Variants in TUBGCP3 observed in about 807,000 individuals in gnomAD.
TUBGCP3 encodes the protein gamma-tubulin complex component 3.
A neutral mutation model predicts 123.1 loss-of-function variants in TUBGCP3; 50 were observed. That is an observed-to-expected ratio of 0.41 (90% CI 0.32 to 0.51). The LOEUF (loss-of-function observed/expected upper bound fraction) is 0.51, where lower values mean the gene tolerates loss of function less well. Among genes scored for constraint, TUBGCP3 ranks in the 20% least tolerant of loss-of-function variants. The probability of loss-of-function intolerance (pLI) is 0.36; values close to 1 mark genes in which losing one functional copy is unlikely to be tolerated. For missense variants in TUBGCP3, 882 were observed against 1,127.0 expected (o/e 0.78, Z 3.11); for synonymous variants, 405 against 413.9 (o/e 0.98, Z 0.26).
At chr13:112,495,949 AT>A (rs200919876) in intron 20 of TUBGCP3, among the ~76,000 whole-genome samples, 432 of 152,262 alleles carry the variant, frequency 2.8e-3, no homozygotes, top group African/African-American at 9.8e-3. Context: ...ATTTTTAAAA[AT>A]TATTAGAATA....
At position 112,540,427 on chromosome 13, in the gene TUBGCP3, T is replaced by C. The variant is rs570948801; in HGVS notation, c.1335+5272A>G. ...TAGCCTATGAGCATTCAGGTGGTCT[T>C]GGGAAAGGACACCTGGGAATGAGGA... On this transcript the variant is annotated intron_variant, in intron 11 of 21. Transcript: ENST00000261965. Among the ~76,000 whole-genome samples the C allele has an allele frequency of 2.9e-4, 42 of 145,362 alleles. 1 individual carries two copies. Among genetic ancestry groups the C allele is most frequent in the Admixed American group, 2.8e-3 (41 of 14,778 alleles).
chr13:112,489,583 G>A lies in TUBGCP3; in HGVS notation c.2563C>T (p.Gln855Ter). The A allele has an allele frequency of 9.3e-6, 15 of 1,608,334 alleles. No individual in the cohort carries two copies. The highest frequency in any genetic ancestry group is 1.2e-5 in the Non-Finnish European group (14 of 1,174,632). The change falls in exon 21 of 22, where the codon CAG (glutamine) becomes TAG (stop). Residue 855 changes from glutamine (Q) to a stop codon, truncating the protein, a stop_gained and splice_region_variant. Coordinates refer to ENST00000261965, the MANE Select transcript of TUBGCP3 (RefSeq NM_006322.6). LOFTEE classifies it high-confidence loss of function. ...SQLRILTHFYQGIVQQFLVLL... is the reference protein window; with the variant it reads ...SQLRILTHFY ...CCACTCTGTATCCTCATACACACCT[G>A]GTAGAAATGGGTCAATATTCGCAAC...
chr13:112,575,663 A>C (rs533181160), intron 1 of TUBGCP3, among the ~76,000 whole-genome samples: 116 of 152,264 alleles, frequency 7.6e-4, no homozygotes, highest in Non-Finnish European at 1.5e-3. Context: ...TTTCAAATGC[A>C]CGTGGAACAT....
At chr13:112,510,327 GT>G (rs530255620) in intron 17 of TUBGCP3, among the ~76,000 whole-genome samples, 1 of 151,790 alleles carries the variant, frequency 6.6e-6, no homozygotes, top group Non-Finnish European at 1.5e-5. Context: ...CATGATATTT[GT>G]TTTTTTTAGA....
At chr13:112,544,046 G>T (rs1346205014) in intron 11 of TUBGCP3, among the ~76,000 whole-genome samples, 1 of 152,186 alleles carries the variant, frequency 6.6e-6, no homozygotes, top group East Asian at 1.9e-4. Flanking sequence ...TTAACATTGG[G>T]TAAGACAAAG....
At chr13:112,583,225 ATT>A (rs1566596580) in intron 1 of TUBGCP3, among the ~76,000 whole-genome samples, 1 of 152,236 alleles carries the variant, frequency 6.6e-6, no homozygotes, top group East Asian at 1.9e-4. Flanking sequence ...AGCTATTCGT[ATT>A]GTTATTAACC....
chr13:112,593,842 T>A, the TUBGCP3 span, among the ~76,000 whole-genome samples: 1 of 151,856 alleles, frequency 6.6e-6, no homozygotes, highest in Non-Finnish European at 1.5e-5. Context: ...ATATGCCAAA[T>A]CAGGAATAAA....
the TUBGCP3 span, among the ~76,000 whole-genome samples, chr13:112,601,099 A>C: frequency 6.6e-6 from 1 of 150,586 alleles, no homozygotes; most frequent in Admixed American, 6.6e-5. Context: ...AGACAGGAGA[A>C]TTGCTTCAAC....
In TUBGCP3 at chr13:112,588,070, C is replaced by G; in HGVS notation, c.-90G>C. The G allele has an allele frequency of 1.8e-6, 2 of 1,129,576 alleles. No homozygotes were observed. Among genetic ancestry groups the G allele is most frequent in the Admixed American group, 4.0e-5 (1 of 25,246 alleles). 70.0% of individuals were successfully genotyped at this position (1,129,576 alleles called of 1,614,324 possible). On this transcript the variant is annotated 5_prime_UTR_variant, in exon 1 of 22. Coordinates refer to ENST00000261965, the MANE Select transcript of TUBGCP3 (RefSeq NM_006322.6). ...CGCGGCCCGCGCCCTTCCTGCGCCC[C>G]GCAAGCTCCCTGCTCCTGACAGGCT...
At chr13:112,507,830 G>A (rs1881406528) in intron 17 of TUBGCP3, among the ~76,000 whole-genome samples, 1 of 152,176 alleles carries the variant, frequency 6.6e-6, no homozygotes, top group East Asian at 1.9e-4. Flanking sequence ...CAGTCTGAAA[G>A]TAGATACACA....
intron 17 of TUBGCP3, among the ~76,000 whole-genome samples, chr13:112,505,011 A>T (rs1881196859): frequency 6.6e-6 from 1 of 152,234 alleles, no homozygotes; most frequent in Admixed American, 6.5e-5. Context: ...TTTATTTTAT[A>T]ATAACGCAGT....
chr13:112,503,894 A>G, intron 19 of TUBGCP3, 138 bp downstream of exon 19: 1 of 1,158,894 alleles, frequency 8.6e-7, no homozygotes, highest in Non-Finnish European at 1.2e-6. Context: ...CTTCAACAGT[A>G]AACTTTTAAT....
At chr13:112,554,024 A>G (rs759816375) in intron 8 of TUBGCP3, 33 bp downstream of exon 8, 2 of 1,599,176 alleles carry the variant, frequency 1.3e-6, no homozygotes, top group South Asian at 2.3e-5. Flanking sequence ...CAAAGTGCGC[A>G]GCATCCCAGC....
chr13:112,559,234 T>C, intron 4 of TUBGCP3, 88 bp downstream of exon 4: 1 of 1,070,132 alleles, frequency 9.3e-7, no homozygotes, highest in South Asian at 1.4e-5. Context: ...TTTCCTAGCA[T>C]TATTTTCTTA....
At chr13:112,572,925 T>C (rs559410896) in intron 1 of TUBGCP3, among the ~76,000 whole-genome samples, 1 of 152,080 alleles carries the variant, frequency 6.6e-6, no homozygotes, top group East Asian at 1.9e-4. Flanking sequence ...TAACGCAGTA[T>C]CTGTAAAGGA....
chr13:112,498,143 C>T (rs1887651), intron 20 of TUBGCP3, among the ~76,000 whole-genome samples: 72,804 of 151,938 alleles, frequency 0.48, 20,876 homozygotes, highest in South Asian at 0.67. Flanking sequence ...TATATACTTG[C>T]ATTACAGGTA....
At chr13:112,549,348 C>A (rs538990769) in intron 8 of TUBGCP3, among the ~76,000 whole-genome samples, 4 of 135,820 alleles carry the variant, frequency 2.9e-5, no homozygotes, top group Non-Finnish European at 4.7e-5. Context: ...GTGGGGGGAG[C>A]GGGGAGGGAT....
intron 11 of TUBGCP3, among the ~76,000 whole-genome samples, chr13:112,532,473 C>G (rs190899591): frequency 6.6e-6 from 1 of 152,320 alleles, no homozygotes; most frequent in East Asian, 1.9e-4. Context: ...TTAATTTTAA[C>G]TTGACCCATC....
intron 11 of TUBGCP3, 82 bp from the exon 12 acceptor site, chr13:112,527,566 T>C (rs1180681402): frequency 5.1e-6 from 5 of 984,210 alleles, no homozygotes; most frequent in Admixed American, 2.0e-5. Context: ...AAGAGTAAGT[T>C]ATTCTAGAAA....
Sources: gnomAD v4.1 joint callset for allele counts (sites outside exome capture counted in the v4.1 genomes callset) on GRCh38, gnomAD v4.1.1 for gene constraint, MANE v1.5 for transcripts, NCBI Gene and HGNC (gene_info 2026-07-23, HGNC 2026-07-21) for gene names.